AGPAT2: variants seen among roughly 807,000 people sequenced by gnomAD.
AGPAT2 encodes 1-acyl-sn-glycerol-3-phosphate acyltransferase beta.
In AGPAT2, 18 loss-of-function variants were observed where a neutral mutation model predicts 26.1. The ratio of observed to expected loss-of-function variants is 0.69; its 90% CI spans 0.48 to 1.02. AGPAT2 has a LOEUF of 1.02. AGPAT2 is among the 50% of genes least tolerant of loss of function. The pLI, the probability that AGPAT2 is intolerant of heterozygous loss-of-function variation, is 0.00. For synonymous variants in AGPAT2, 200 were observed against 174.2 expected, an observed-to-expected ratio of 1.15 and a Z score of -1.16; for missense variants, 415 against 394.9, an observed-to-expected ratio of 1.05 and a Z score of -0.43.
At chr9:136,684,037 C>T (rs539699977) in intron 1 of AGPAT2, among the ~76,000 whole-genome samples, 8 of 152,322 alleles carry the variant, frequency 5.3e-5, no homozygotes, top group South Asian at 2.1e-4. Flanking sequence ...CACTAGGTCC[C>T]GGCCTCCAGA....
chr9:136,675,866 G>T (rs1846084137), intron 4 of AGPAT2, among the ~76,000 whole-genome samples: 1 of 152,190 alleles, frequency 6.6e-6, no homozygotes, highest in South Asian at 2.1e-4. Context: ...CTGGAAGGAG[G>T]GCCCCCTCCC....
Position 136,673,706 on chromosome 9 carries a change from C to T in AGPAT2, c.*46G>A, listed in dbSNP as rs753404041. On this transcript the variant is annotated 3_prime_UTR_variant, in exon 6 of 6. Coordinates refer to ENST00000371696, the MANE Select transcript of AGPAT2 (RefSeq NM_006412.4). The stretch of plus-strand genomic sequence containing the variant: ...TCCCCTCTGCCCATCCTCCAGCCAT[C>T]GGCTTCCACCTGCCCTCCCCAGGTC... 1.7e-5 allele frequency: 25 copies of T among 1,502,346 alleles called. No homozygotes were observed. Among genetic ancestry groups the T allele is most frequent in the Admixed American group, 1.5e-4 (7 of 47,172 alleles). The allele number at this position is 1,502,346 out of a possible 1,614,324, so 93.1% of individuals were successfully genotyped here.
At chr9:136,682,511 C>A (rs975298825) in intron 1 of AGPAT2, among the ~76,000 whole-genome samples, 2 of 151,372 alleles carry the variant, frequency 1.3e-5, no homozygotes, top group Non-Finnish European at 2.9e-5. Context: ...CTTGCCTCCC[C>A]GGGGAGCAGG....
Position 136,673,908 on chromosome 9 carries a change from C to A in AGPAT2, c.681G>T (p.Val227=). 6.3e-7 allele frequency: 1 copy of A among 1,587,840 alleles called. No homozygotes were observed. Among genetic ancestry groups the A allele is most frequent in the Non-Finnish European group, 8.6e-7 (1 of 1,167,544 alleles). Residue 227 remains valine, a synonymous_variant, in exon 6 of 6, where the codon GTG becomes GTT. Coordinates refer to ENST00000371696, the MANE Select transcript of AGPAT2 (RefSeq NM_006412.4). ...GGCCGCTGGTGGGGATGGCTTCCAGCACCTGCACTGTGACTGTTCCTGTGG... is the reference window on the plus strand; with the variant it reads ...GGCCGCTGGTGGGGATGGCTTCCAGAACCTGCACTGTGACTGTTCCTGTGG... ...FFTSGTVTVQ[V]LEAIPTSGLT...
At position 136,674,814 on chromosome 9, in the gene AGPAT2, G is replaced by A. The variant is rs1846069630; in HGVS notation, c.589-7C>T. On this transcript the variant is annotated splice_polypyrimidine_tract_variant and splice_region_variant and intron_variant, in intron 4 of 5. Coordinates refer to ENST00000371696, the MANE Select transcript of AGPAT2 (RefSeq NM_006412.4). ...CCACGGGGACGATGGGCACCTGCAG[G>A]CAGGGAGACGCACAGCTGAGGCAGC... is the stretch of plus-strand genomic sequence containing the variant. 6.5e-7 allele frequency: 1 copy of A among 1,543,894 alleles called. No homozygotes were observed. The highest frequency in any genetic ancestry group is 8.7e-7 in the Non-Finnish European group (1 of 1,144,252).
intron 1 of AGPAT2, among the ~76,000 whole-genome samples, chr9:136,680,794 G>A (rs1415053421): frequency 6.6e-6 from 1 of 151,758 alleles, no homozygotes; most frequent in Non-Finnish European, 1.5e-5. Flanking sequence ...AGCCTAGCAA[G>A]TAGTTGGGAC....
In AGPAT2 at chr9:136,676,594, G is replaced by T; in HGVS notation, c.579C>A (p.Val193=). 6.2e-7 allele frequency: 1 copy of T among 1,612,912 alleles called. No homozygotes were observed. The highest frequency in any genetic ancestry group is 8.5e-7 in the Non-Finnish European group (1 of 1,179,614). Residue 193 remains valine (V), a synonymous_variant, in exon 4 of 6, where the codon GTC becomes GTA. Transcript: ENST00000371696. ...GCTGGGCTCAGCCTACCTGTGCCTG[G>T]ACTGCCAGGTAGAAGGCGCCCTTCT... ...PFKKGAFYLA[V]QAQVPIVPVV... is the part of the protein sequence containing the mutation.
chr9:136,683,659 G>A (rs969830279), intron 1 of AGPAT2, among the ~76,000 whole-genome samples: 6 of 152,230 alleles, frequency 3.9e-5, no homozygotes, highest in East Asian at 1.9e-4. Flanking sequence ...TCCTCAAAGC[G>A]GATGTGTAGG....
intron 4 of AGPAT2, among the ~76,000 whole-genome samples, chr9:136,676,292 C>G (rs1002010297): frequency 6.6e-6 from 1 of 152,180 alleles, no homozygotes; most frequent in Admixed American, 6.5e-5. Context: ...GCGAGCGGCC[C>G]GGCTCCCCAC....
Position 136,673,802 on chromosome 9 carries a change from G to C in AGPAT2, c.787C>G (p.Pro263Ala). The change falls in exon 6 of 6, where the codon CCC (proline) becomes GCC (alanine). Residue 263 changes from proline to alanine, a missense_variant. Transcript: ENST00000371696. The stretch of plus-strand genomic sequence containing the variant: ...CCCGCAGTGGCCCCGTTCTCCTGGG[G>C]GGTCTTGGAGATGTGGAGGAAGGTG... Reference protein sequence around the residue: ...RTTFLHISKTPQENGATAGSG... With the variant: ...RTTFLHISKTAQENGATAGSG... 2 of 1,606,156 alleles carry C rather than the reference G, an allele frequency of 1.2e-6. No homozygotes were observed. The highest frequency in any genetic ancestry group is 1.7e-6 in the Non-Finnish European group (2 of 1,177,930).
intron 4 of AGPAT2, among the ~76,000 whole-genome samples, chr9:136,675,589 C>CTGG (rs1846081028): frequency 2.0e-5 from 3 of 151,186 alleles, no homozygotes; most frequent in East Asian, 2.0e-4. Context: ...AGGCTGGGGA[C>CTGG]CGGGAGCAGG....
At chr9:136,676,358 G>A (rs1311447935) in intron 4 of AGPAT2, among the ~76,000 whole-genome samples, 1 of 152,216 alleles carries the variant, frequency 6.6e-6, no homozygotes, top group Non-Finnish European at 1.5e-5. Context: ...AAGGGCAGCT[G>A]GTCACTCTGG....
In AGPAT2 at chr9:136,674,023, C is replaced by G. The variant is rs372565832; in HGVS notation, c.662-96G>C. Reference sequence around the variant, plus strand: ...TCGCCTCTCCCCAGCCCCCCACAGCCCCTCCCTGGGAAGCCCGAGGCCGGG... The same window carrying G: ...TCGCCTCTCCCCAGCCCCCCACAGCGCCTCCCTGGGAAGCCCGAGGCCGGG... On this transcript the variant is annotated intron_variant, in intron 5 of 5. Coordinates refer to ENST00000371696, the MANE Select transcript of AGPAT2 (RefSeq NM_006412.4). 329 of 1,267,706 alleles carry G rather than the reference C, an allele frequency of 2.6e-4. 2 individuals carry two copies. In the African/African-American group the frequency reaches 4.5e-3, roughly 17 times the overall value. The allele number at this position is 1,267,706 out of a possible 1,614,324, so 78.5% of individuals were successfully genotyped here. A position where few individuals can be genotyped will look rare whatever the true frequency, so the allele number is the denominator to read the frequency against.
Position 136,687,163 on chromosome 9 carries a change from C to T in AGPAT2, c.182+13G>A. ...GCGGTTCCCCGGCCCCTCCCGGCGG[C>T]CCCCGGCCTTGCCTCATGTTCTCCA... On this transcript the variant is annotated intron_variant, in intron 1 of 5. Transcript: ENST00000371696. 1 of 1,578,314 alleles carries T rather than the reference C, an allele frequency of 6.3e-7. No individual in the cohort carries two copies.
intron 5 of AGPAT2, among the ~76,000 whole-genome samples, chr9:136,674,135 C>G (rs151325858): frequency 1.3e-5 from 2 of 152,144 alleles, no homozygotes; most frequent in Non-Finnish European, 1.5e-5. Context: ...CTGGCCTTCA[C>G]GCCGCATTTT....
Position 136,677,071 on chromosome 9 carries a change from G to A in AGPAT2, c.382C>T (p.Pro128Ser). ...IAKRELLFLG[P>S]VGLIMYLGGV... ...CCGAGGTACATGATGAGGCCCACGG[G>A]CCCCAGGAAGAGCAGCTCCCGCTTG... The change falls in exon 3 of 6, where the codon CCC becomes TCC. Residue 128 changes from proline (P) to serine (S), a missense_variant. Physicochemically the swap from Pro to Ser is moderately conservative, Grantham distance 74. Coordinates refer to ENST00000371696, the MANE Select transcript of AGPAT2 (RefSeq NM_006412.4). 6.2e-7 allele frequency: 1 copy of A among 1,613,224 alleles called. No homozygotes were observed. The highest frequency in any genetic ancestry group is 8.5e-7 in the Non-Finnish European group (1 of 1,179,996).
Position 136,677,531 on chromosome 9 carries a change from A to C in AGPAT2, c.208T>G (p.Phe70Val), listed in dbSNP as rs140995132. ...MSIIGWFVRS[F>V]KYFYGLRFEV... ...AAGCGGAGCCCGTAAAAGTACTTGAAGCTTCGCACGAACCAGCCGATGATG... is the reference window on the plus strand; with the variant it reads ...AAGCGGAGCCCGTAAAAGTACTTGACGCTTCGCACGAACCAGCCGATGATG... The change falls in exon 2 of 6, where the codon TTC (phenylalanine) becomes GTC (valine). Residue 70 changes from phenylalanine to valine, a missense_variant. Transcript: ENST00000371696. The C allele has an allele frequency of 2.7e-5, 43 of 1,612,892 alleles. No individual in the cohort carries two copies. The African/African-American group carries it at 5.6e-4, about 21-fold the overall frequency.
chr9:136,675,011 C>A (rs1186844072), intron 4 of AGPAT2, among the ~76,000 whole-genome samples: 1 of 152,204 alleles, frequency 6.6e-6, no homozygotes, highest in East Asian at 1.9e-4. Flanking sequence ...GCTCATCCTG[C>A]AAATTTTTAC....
At chr9:136,682,167 G>A (rs899335942) in intron 1 of AGPAT2, among the ~76,000 whole-genome samples, 7 of 152,160 alleles carry the variant, frequency 4.6e-5, no homozygotes, top group African/African-American at 1.4e-4. Flanking sequence ...GTGCTGGGGC[G>A]GCGCGGGCCC....
Sources: allele counts gnomAD v4.1 joint callset (sites outside exome capture counted in the v4.1 genomes callset), GRCh38; gene constraint gnomAD v4.1.1; transcripts MANE v1.5; gene names NCBI Gene and HGNC (gene_info 2026-07-23, HGNC 2026-07-21).